PRKG1: variants seen among roughly 807,000 people sequenced by gnomAD.
PRKG1 encodes protein kinase cGMP-dependent 1, also known as cGMP-dependent protein kinase 1.
PRKG1 carries 35 observed loss-of-function variants against 88.1 expected under a neutral mutation model. The ratio of observed to expected loss-of-function variants is 0.40; its 90% CI spans 0.30 to 0.53. PRKG1 has a LOEUF of 0.53. Among genes scored for constraint, PRKG1 ranks in the 20% least tolerant of loss-of-function variants. The pLI, the probability that PRKG1 is intolerant of heterozygous loss-of-function variation, is 0.59. For missense variants in PRKG1, 540 were observed against 839.8 expected (o/e 0.64, Z 4.41); for synonymous variants, 303 against 292.5 (o/e 1.04, Z -0.37).
At position 51,711,582 on chromosome 10, in the gene PRKG1, C is replaced by T. The variant is rs116988688; in HGVS notation, c.593-93003C>T. On this transcript the variant is annotated intron_variant, in intron 3 of 17. Transcript: ENST00000373980. The stretch of plus-strand genomic sequence containing the variant: ...TTCTTCTAGAAAGAATTGCACCATA[C>T]GAAACTGAAGTTGTCTTGCCTTTAG... 1.1e-3 allele frequency among the ~76,000 whole-genome samples: 161 copies of T among 152,268 alleles called. 2 individuals carry two copies. In the Middle Eastern group the frequency reaches 0.017, roughly 16 times the overall value.
chr10:51,907,204 C>G (rs1842104280), intron 4 of PRKG1, among the ~76,000 whole-genome samples: 1 of 152,096 alleles, frequency 6.6e-6, no homozygotes, highest in African/African-American at 2.4e-5. Flanking sequence ...GTTTACATAT[C>G]CATGGTCACA....
At chr10:52,078,737 C>G (rs1009518684) in intron 7 of PRKG1, among the ~76,000 whole-genome samples, 3 of 152,216 alleles carry the variant, frequency 2.0e-5, no homozygotes. Context: ...TGAGTCATTA[C>G]GAACTGGAAT....
At chr10:51,209,196 T>G (rs1838148000) in intron 2 of PRKG1, among the ~76,000 whole-genome samples, 1 of 152,028 alleles carries the variant, frequency 6.6e-6, no homozygotes, top group South Asian at 2.1e-4. Flanking sequence ...TTTTTTTTTG[T>G]CTGAAACGTT....
chr10:51,505,981 C>T (rs1841190077), intron 3 of PRKG1, among the ~76,000 whole-genome samples: 1 of 151,936 alleles, frequency 6.6e-6, no homozygotes, highest in Admixed American at 6.6e-5. Context: ...TTCAGTTCTG[C>T]TCTGATCTTG....
intron 3 of PRKG1, among the ~76,000 whole-genome samples, chr10:51,673,465 G>T (rs1840633804): frequency 6.6e-6 from 1 of 152,138 alleles, no homozygotes. Flanking sequence ...GATAAAGTCA[G>T]AAAGATGGGG....
At chr10:52,290,942 A>G (rs1370757526) in intron 17 of PRKG1, among the ~76,000 whole-genome samples, 9 of 121,680 alleles carry the variant, frequency 7.4e-5, no homozygotes. Flanking sequence ...TTTTTTTTTG[A>G]GATGGAGTCT....
At chr10:52,201,730 G>A (rs191551346) in intron 9 of PRKG1, among the ~76,000 whole-genome samples, 23 of 151,792 alleles carry the variant, frequency 1.5e-4, no homozygotes, top group African/African-American at 4.8e-4. Flanking sequence ...GATTTCTTTC[G>A]GCAGTGTTGT....
At chr10:51,421,684 C>G (rs1179250606) in intron 2 of PRKG1, among the ~76,000 whole-genome samples, 2 of 152,218 alleles carry the variant, frequency 1.3e-5, no homozygotes, top group African/African-American at 4.8e-5. Flanking sequence ...AGCATCATGT[C>G]ATAATGTCTC....
intron 3 of PRKG1, among the ~76,000 whole-genome samples, chr10:51,752,164 T>C (rs1015937227): frequency 1.3e-5 from 2 of 152,198 alleles, no homozygotes; most frequent in East Asian, 1.9e-4. Context: ...ATCTCATATA[T>C]GCTACTTCCT....
intron 4 of PRKG1, among the ~76,000 whole-genome samples, chr10:51,879,604 C>G (rs925846609): frequency 6.6e-6 from 1 of 152,216 alleles, no homozygotes; most frequent in African/African-American, 2.4e-5. Context: ...AGCAACCCAA[C>G]TGAGCTGTTA....
At chr10:51,350,964 G>T (rs1842230830) in intron 2 of PRKG1, among the ~76,000 whole-genome samples, 1 of 151,954 alleles carries the variant, frequency 6.6e-6, no homozygotes, top group Admixed American at 6.6e-5. Flanking sequence ...CCCTCCCTGT[G>T]TCCATGTGTT....
chr10:51,263,982 T>G (rs1264529298), intron 2 of PRKG1, among the ~76,000 whole-genome samples: 2 of 152,196 alleles, frequency 1.3e-5, no homozygotes, highest in African/African-American at 2.4e-5. Context: ...AACTGAACAT[T>G]GATATGGAAA....
intron 3 of PRKG1, among the ~76,000 whole-genome samples, chr10:51,694,333 C>T (rs973481493): frequency 3.9e-5 from 6 of 152,178 alleles, no homozygotes; most frequent in Non-Finnish European, 5.9e-5. Context: ...AAACAAGAAG[C>T]TCTGCAAGCC....
At chr10:51,173,940 T>C (rs1339395812) in intron 2 of PRKG1, among the ~76,000 whole-genome samples, 2 of 151,886 alleles carry the variant, frequency 1.3e-5, no homozygotes, top group Non-Finnish European at 2.9e-5. Flanking sequence ...AAATTATTTT[T>C]ATTGTTAAAA....
chr10:51,532,578 A>G (rs1842044926), intron 3 of PRKG1, among the ~76,000 whole-genome samples: 1 of 152,192 alleles, frequency 6.6e-6, no homozygotes, highest in Non-Finnish European at 1.5e-5. Context: ...CACCAGGAAA[A>G]GCTAGTGCTA....
At chr10:51,925,572 T>C (rs540272694) in intron 5 of PRKG1, among the ~76,000 whole-genome samples, 1 of 152,266 alleles carries the variant, frequency 6.6e-6, no homozygotes, top group South Asian at 2.1e-4. Flanking sequence ...CCCAGCAAGT[T>C]AGGCTCTGGT....
intron 12 of PRKG1, 24 bp from the exon 13 acceptor site, chr10:52,280,765 T>C (rs1458199682): frequency 1.6e-5 from 25 of 1,602,098 alleles, no homozygotes; most frequent in Non-Finnish European, 2.1e-5. Context: ...TTTATACAAT[T>C]TTCATTCCAT....
At chr10:52,117,695 G>A (rs1025306345) in intron 7 of PRKG1, among the ~76,000 whole-genome samples, 1 of 151,762 alleles carries the variant, frequency 6.6e-6, no homozygotes, top group South Asian at 2.1e-4. Context: ...AAATTTAAAA[G>A]CTACAATAAT....
chr10:51,823,046 GT>G (rs886840414), intron 4 of PRKG1, among the ~76,000 whole-genome samples: 9 of 152,018 alleles, frequency 5.9e-5, no homozygotes, highest in Non-Finnish European at 1.3e-4. Context: ...TTACAGTGGA[GT>G]TTTTTAGAGG....
Sources: gnomAD v4.1 joint callset for allele counts (sites outside exome capture counted in the v4.1 genomes callset) on GRCh38, gnomAD v4.1.1 for gene constraint, MANE v1.5 for transcripts, NCBI Gene and HGNC (gene_info 2026-07-23, HGNC 2026-07-21) for gene names.